The following EYS variants were observed in gnomAD, a reference collection of about 807,000 sequenced individuals.
EYS encodes the protein EGF-like photoreceptor maintenance factor.
A neutral mutation model predicts 282.1 loss-of-function variants in EYS; 250 were observed. That is an observed-to-expected ratio of 0.89 (90% CI 0.80 to 0.98). EYS has a LOEUF of 0.98. Among genes scored for constraint, EYS ranks in the 50% least tolerant of loss-of-function variants. EYS has a pLI of 0.00. For missense variants in EYS, 4,016 were observed against 3,709.0 expected (o/e 1.08, Z -2.15); for synonymous variants, 1,355 against 1,282.9 (o/e 1.06, Z -1.20).
intron 26 of EYS, among the ~76,000 whole-genome samples, chr6:64,515,913 G>C (rs1777547617): frequency 6.6e-6 from 1 of 151,674 alleles, no homozygotes; most frequent in Admixed American, 6.6e-5. Context: ...TACATTTATA[G>C]CCGAACTTTA....
In EYS at chr6:64,672,613, T is replaced by G. The variant is rs532727179; in HGVS notation, c.3444-46368A>C. On this transcript the variant is annotated intron_variant, in intron 22 of 42. Transcript: ENST00000503581. Reference sequence around the variant, plus strand: ...AAATATATAATTTCAACCCTTTTATTCTCTCACTATTCCCTTTCCACTATC... The same window carrying G: ...AAATATATAATTTCAACCCTTTTATGCTCTCACTATTCCCTTTCCACTATC... Among the ~76,000 whole-genome samples, 3 of 152,294 alleles carry G rather than the reference T, an allele frequency of 2.0e-5. No homozygotes were observed. The South Asian group carries it at 6.2e-4, about 32-fold the overall frequency.
At chr6:65,448,406 T>A (rs1188179224) in intron 5 of EYS, among the ~76,000 whole-genome samples, 3 of 151,844 alleles carry the variant, frequency 2.0e-5, no homozygotes, top group Non-Finnish European at 4.4e-5. Context: ...AGAGGAAAGC[T>A]GAAATCATTC....
At chr6:63,751,641 T>A (rs1188673608) in intron 41 of EYS, among the ~76,000 whole-genome samples, 1 of 152,224 alleles carries the variant, frequency 6.6e-6, no homozygotes, top group East Asian at 1.9e-4. Context: ...ACCTAGTTAC[T>A]GTAGCAAAAA....
chr6:65,185,861 A>T (rs1335059102), intron 12 of EYS, among the ~76,000 whole-genome samples: 1 of 151,778 alleles, frequency 6.6e-6, no homozygotes, highest in East Asian at 1.9e-4. Flanking sequence ...CATAGAAAAT[A>T]AGAATTTAAA....
At chr6:63,911,420 T>C (rs1764246979) in intron 35 of EYS, among the ~76,000 whole-genome samples, 1 of 152,196 alleles carries the variant, frequency 6.6e-6, no homozygotes, top group Non-Finnish European at 1.5e-5. Context: ...AAAAACAAAC[T>C]AATAAGTGAA....
At chr6:63,881,805 T>C (rs1773139579) in intron 35 of EYS, among the ~76,000 whole-genome samples, 1 of 152,162 alleles carries the variant, frequency 6.6e-6, no homozygotes, top group South Asian at 2.1e-4. Context: ...AAATCTTGGT[T>C]TATATTAGTT....
intron 31 of EYS, among the ~76,000 whole-genome samples, chr6:64,135,169 G>A (rs1163119279): frequency 6.6e-6 from 1 of 151,816 alleles, no homozygotes; most frequent in African/African-American, 2.4e-5. Flanking sequence ...TTAAATAGTA[G>A]GCACAGAAAG....
intron 10 of EYS, among the ~76,000 whole-genome samples, chr6:65,343,419 T>A (rs1770271614): frequency 1.3e-5 from 2 of 151,254 alleles, no homozygotes. Context: ...AACAAAAAGT[T>A]CCTATTCCTA....
chr6:64,272,370 G>A (rs931842831), intron 30 of EYS, among the ~76,000 whole-genome samples: 1 of 152,156 alleles, frequency 6.6e-6, no homozygotes, highest in Non-Finnish European at 1.5e-5. Flanking sequence ...TCATAGTGTT[G>A]ATGGTCTTTA....
chr6:64,852,202 G>C (rs976831692), intron 19 of EYS, among the ~76,000 whole-genome samples: 1 of 152,084 alleles, frequency 6.6e-6, no homozygotes, highest in African/African-American at 2.4e-5. Context: ...TATTGATTCT[G>C]GGTCTGTCTG....
intron 8 of EYS, among the ~76,000 whole-genome samples, chr6:65,364,984 G>A (rs1683496860): frequency 6.6e-6 from 1 of 151,562 alleles, no homozygotes; most frequent in South Asian, 2.1e-4. Context: ...TTTTAAGGAG[G>A]TCTGGTCATC....
chr6:65,092,428 T>C (rs1774599811), intron 12 of EYS, among the ~76,000 whole-genome samples: 1 of 152,170 alleles, frequency 6.6e-6, no homozygotes, highest in African/African-American at 2.4e-5. Flanking sequence ...ATCAAATGTG[T>C]TATAACATGA....
intron 22 of EYS, among the ~76,000 whole-genome samples, chr6:64,700,823 CA>C (rs1318789152): frequency 6.6e-6 from 1 of 151,940 alleles, no homozygotes; most frequent in Non-Finnish European, 1.5e-5. Context: ...AGATTTATGA[CA>C]TTCCTTTCAA....
intron 33 of EYS, among the ~76,000 whole-genome samples, chr6:64,045,389 T>TTTATTTTATA (rs1770571276): frequency 2.1e-5 from 2 of 93,758 alleles, no homozygotes; most frequent in South Asian, 3.5e-4. Flanking sequence ...ACAAGTTTAT[T>TTTATTTTATA]TTATTTTATT....
intron 28 of EYS, among the ~76,000 whole-genome samples, chr6:64,423,466 A>G (rs1774300897): frequency 6.6e-6 from 1 of 152,226 alleles, no homozygotes; most frequent in Non-Finnish European, 1.5e-5. Flanking sequence ...GACATGTAGT[A>G]GGTAGTGTTT....
chr6:64,168,966 A>G (rs1226133845), intron 31 of EYS, among the ~76,000 whole-genome samples: 1 of 152,250 alleles, frequency 6.6e-6, no homozygotes, highest in Non-Finnish European at 1.5e-5. Flanking sequence ...AGGTTAGAAC[A>G]TGATTCAGAG....
In EYS at chr6:65,074,813, G is replaced by C. The variant is rs1304949899; in HGVS notation, c.2024-17086C>G. Among the ~76,000 whole-genome samples, 7 of 151,944 alleles carry C rather than the reference G, an allele frequency of 4.6e-5. No individual in the cohort carries two copies. The Admixed American group carries it at 4.6e-4, about 10-fold the overall frequency. ...GTAAAGACAGGCCTCTGTTTAAAGA[G>C]AGAAATATGACCAACTAAACTGACA... On this transcript the variant is annotated intron_variant, in intron 12 of 42. Coordinates refer to ENST00000503581, the MANE Select transcript of EYS (RefSeq NM_001142800.2).
At chr6:64,163,064 A>C (rs1775156952) in intron 31 of EYS, among the ~76,000 whole-genome samples, 1 of 152,128 alleles carries the variant, frequency 6.6e-6, no homozygotes, top group African/African-American at 2.4e-5. Flanking sequence ...TAACACAAGA[A>C]ATATTGTTTT....
At chr6:63,892,785 G>T (rs1407369827) in intron 35 of EYS, among the ~76,000 whole-genome samples, 4 of 152,132 alleles carry the variant, frequency 2.6e-5, no homozygotes, top group African/African-American at 9.7e-5. Flanking sequence ...TCGTCAGAGT[G>T]AACAGGCAGC....
Sources: allele counts gnomAD v4.1 joint callset (sites outside exome capture counted in the v4.1 genomes callset), GRCh38; gene constraint gnomAD v4.1.1; transcripts MANE v1.5; gene names NCBI Gene and HGNC (gene_info 2026-07-23, HGNC 2026-07-21).